Variants in SLC9A9 observed in about 807,000 individuals in gnomAD.
SLC9A9 encodes the protein solute carrier family 9 member A9.
Under a neutral mutation model 77.8 loss-of-function variants are expected in SLC9A9, and 62 were observed. The ratio of observed to expected loss-of-function variants is 0.80; its 90% CI spans 0.65 to 0.98. The LOEUF (loss-of-function observed/expected upper bound fraction) is 0.98, where lower values mean the gene tolerates loss of function less well. Among genes scored for constraint, SLC9A9 ranks in the 50% least tolerant of loss-of-function variants. The probability of loss-of-function intolerance (pLI) is 0.00; values close to 1 mark genes in which losing one functional copy is unlikely to be tolerated. For missense variants in SLC9A9, 775 were observed against 774.9 expected, an observed-to-expected ratio of 1.00 and a Z score of 0.00; for synonymous variants, 320 against 283.5, an observed-to-expected ratio of 1.13 and a Z score of -1.29.
chr3:143,663,293 A>C (rs2039010075), intron 5 of SLC9A9, among the ~76,000 whole-genome samples: 1 of 152,208 alleles, frequency 6.6e-6, no homozygotes, highest in Non-Finnish European at 1.5e-5. Flanking sequence ...ACATCCACAC[A>C]AAAACCCTAT....
intron 6 of SLC9A9, among the ~76,000 whole-genome samples, chr3:143,625,734 G>A (rs1175447849): frequency 2.0e-5 from 3 of 152,236 alleles, no homozygotes; most frequent in Non-Finnish European, 4.4e-5. Flanking sequence ...AACACTAAAA[G>A]CAATGGCAAC....
intron 6 of SLC9A9, among the ~76,000 whole-genome samples, chr3:143,633,756 ATT>A (rs1309516099): frequency 6.6e-6 from 1 of 152,154 alleles, no homozygotes; most frequent in African/African-American, 2.4e-5. Context: ...CTATTTCTTT[ATT>A]GTTTCTAGGA....
intron 9 of SLC9A9, among the ~76,000 whole-genome samples, chr3:143,544,179 GT>G (rs2036743657): frequency 6.6e-6 from 1 of 152,132 alleles, no homozygotes; most frequent in African/African-American, 2.4e-5. Flanking sequence ...CTTTTGAGAA[GT>G]GTCTGTTCAT....
At chr3:143,546,408 A>G (rs374301885) in intron 9 of SLC9A9, among the ~76,000 whole-genome samples, 5 of 152,262 alleles carry the variant, frequency 3.3e-5, no homozygotes, top group Admixed American at 6.5e-5. Flanking sequence ...AAGCAAATAC[A>G]TGAAAACATC....
At chr3:143,517,422 C>T in intron 9 of SLC9A9, 2 of 1,517,552 alleles carry the variant, frequency 1.3e-6, no homozygotes, top group South Asian at 1.1e-5. Context: ...TGTCGTCTGG[C>T]TTCTTCCTCC....
At chr3:143,833,914 C>A (rs1191993039) in intron 1 of SLC9A9, among the ~76,000 whole-genome samples, 2 of 152,076 alleles carry the variant, frequency 1.3e-5, no homozygotes, top group South Asian at 4.1e-4. Flanking sequence ...AGACTCTAGA[C>A]CTAGACCATA....
intron 14 of SLC9A9, among the ~76,000 whole-genome samples, chr3:143,348,026 T>TG (rs1463579893): frequency 4.0e-5 from 6 of 151,476 alleles, no homozygotes; most frequent in Non-Finnish European, 5.9e-5. Flanking sequence ...ATTTTTTTTT[T>TG]TTTTTTTAGA....
At chr3:143,423,007 CT>C (rs1165270083) in intron 12 of SLC9A9, among the ~76,000 whole-genome samples, 1 of 152,056 alleles carries the variant, frequency 6.6e-6, no homozygotes, top group Admixed American at 6.6e-5. Context: ...TTCCTTGAGC[CT>C]CCTAGTGGCA....
At chr3:143,725,901 G>GA (rs55694467) in intron 4 of SLC9A9, among the ~76,000 whole-genome samples, 135,720 of 151,366 alleles carry the variant, frequency 0.9, 60,899 homozygotes, top group East Asian at 1. Flanking sequence ...ATAAAAAAAA[G>GA]AAAAAAATGA....
chr3:143,810,556 A>G (rs959124137), intron 2 of SLC9A9, among the ~76,000 whole-genome samples: 2 of 152,260 alleles, frequency 1.3e-5, no homozygotes, highest in African/African-American at 2.4e-5. Flanking sequence ...GGGTCAATCA[A>G]TAAGACAGGA....
intron 4 of SLC9A9, among the ~76,000 whole-genome samples, chr3:143,698,528 A>T (rs1013139041): frequency 2.0e-5 from 3 of 152,126 alleles, no homozygotes; most frequent in African/African-American, 7.2e-5. Context: ...TGACGCACAC[A>T]CTGATTTTAA....
chr3:143,625,502 CA>C lies in SLC9A9; in HGVS notation c.755+26752del, dbSNP rs200218918. 1.0e-3 allele frequency among the ~76,000 whole-genome samples: 153 copies of C among 152,278 alleles called. No individual in the cohort carries two copies. The East Asian group carries it at 0.024, about 24-fold the overall frequency. ...TGATCTTTGACAAACCTGACAAAAA[CA>C]AACAATGGGGAAAAGATTCCCTATT... On this transcript the variant is annotated intron_variant, in intron 6 of 15. Transcript: ENST00000316549.
At chr3:143,570,217 T>C (rs1171531500) in intron 8 of SLC9A9, among the ~76,000 whole-genome samples, 1 of 152,116 alleles carries the variant, frequency 6.6e-6, no homozygotes, top group Non-Finnish European at 1.5e-5. Context: ...AAACTGGTAG[T>C]TCACCAAAGA....
chr3:143,808,468 A>G (rs989406021), intron 2 of SLC9A9, among the ~76,000 whole-genome samples: 9 of 152,314 alleles, frequency 5.9e-5, no homozygotes, highest in Non-Finnish European at 1.0e-4. Flanking sequence ...CTCTTAGTAC[A>G]TTTGACTTTT....
intron 9 of SLC9A9, among the ~76,000 whole-genome samples, chr3:143,525,123 C>T (rs986987521): frequency 1.8e-4 from 28 of 152,056 alleles, no homozygotes; most frequent in African/African-American, 6.8e-4. Flanking sequence ...CGAGCCTAGG[C>T]AAAATATGGG....
intron 14 of SLC9A9, among the ~76,000 whole-genome samples, chr3:143,312,417 C>T (rs1228308052): frequency 1.3e-5 from 2 of 152,240 alleles, no homozygotes. Flanking sequence ...CTTTGACTAT[C>T]TCTGAACCTG....
At chr3:143,832,262 A>G in intron 1 of SLC9A9, 41 bp from the exon 2 acceptor site, 1 of 1,539,368 alleles carries the variant, frequency 6.5e-7, no homozygotes, top group Non-Finnish European at 8.9e-7. Context: ...GAGGAAGGCA[A>G]TCTAAAATGC....
Position 143,265,789 on chromosome 3 carries a change from TGAATGCTG to T in SLC9A9, c.*905_*912del, listed in dbSNP as rs1306524096. On this transcript the variant is annotated 3_prime_UTR_variant, in exon 16 of 16. Coordinates refer to ENST00000316549, the MANE Select transcript of SLC9A9 (RefSeq NM_173653.4). ...CTGCTCCTGCACTGCTCATCAGCTG[TGAATGCTG>T]GAATTGGAGGACAGGTTGGGGCTCC... The T allele has an allele frequency of 3.6e-6, 2 of 562,308 alleles. No individual in the cohort carries two copies. The highest frequency in any genetic ancestry group is 3.2e-6 in the Non-Finnish European group (1 of 317,248). 34.8% of individuals were successfully genotyped at this position (562,308 alleles called of 1,614,324 possible).
chr3:143,611,507 T>C (rs2038021211), intron 6 of SLC9A9, among the ~76,000 whole-genome samples: 1 of 152,194 alleles, frequency 6.6e-6, no homozygotes, highest in South Asian at 2.1e-4. Context: ...GATAAGAGTC[T>C]AAATGATTTC....
Sources: allele counts gnomAD v4.1 joint callset (sites outside exome capture counted in the v4.1 genomes callset), GRCh38; gene constraint gnomAD v4.1.1; transcripts MANE v1.5; gene names NCBI Gene and HGNC (gene_info 2026-07-23, HGNC 2026-07-21).